PHF20: variants seen among roughly 807,000 people sequenced by gnomAD.
The protein encoded by PHF20 is glioma-expressed antigen 2.
A neutral mutation model predicts 113.5 loss-of-function variants in PHF20; 23 were observed. That is an observed-to-expected ratio of 0.20 (90% CI 0.15 to 0.29). The LOEUF is 0.29. PHF20 is among the 10% of genes least tolerant of loss of function. The pLI is 1.00. For synonymous variants in PHF20, 434 were observed against 457.3 expected (o/e 0.95, Z 0.65); for missense variants, 943 against 1,219.6 (o/e 0.77, Z 3.38).
At chr20:35,802,598 G>GA (rs1337887628) in intron 2 of PHF20, among the ~76,000 whole-genome samples, 1 of 152,108 alleles carries the variant, frequency 6.6e-6, no homozygotes, top group Non-Finnish European at 1.5e-5. Context: ...CAGGAGAAGA[G>GA]AGGCATAGAA....
chr20:35,813,240 G>T (rs1410537228), intron 2 of PHF20, among the ~76,000 whole-genome samples: 2 of 149,784 alleles, frequency 1.3e-5, no homozygotes, highest in South Asian at 2.3e-4. Context: ...AAAGTGCTGG[G>T]ATTACAGGCG....
At chr20:35,800,551 A>G (rs2041760875) in intron 1 of PHF20, among the ~76,000 whole-genome samples, 1 of 152,212 alleles carries the variant, frequency 6.6e-6, no homozygotes, top group Admixed American at 6.5e-5. Context: ...TGGGCAGATC[A>G]CTTGAGGTCA....
intron 9 of PHF20, among the ~76,000 whole-genome samples, chr20:35,873,175 A>G (rs1002012354): frequency 6.7e-6 from 1 of 149,252 alleles, no homozygotes; most frequent in Non-Finnish European, 1.5e-5. Flanking sequence ...ATCTCCACTC[A>G]CTTCAACCTC....
chr20:35,802,992 G>A (rs2041810666), intron 2 of PHF20, among the ~76,000 whole-genome samples: 1 of 148,530 alleles, frequency 6.7e-6, no homozygotes, highest in South Asian at 2.1e-4. Flanking sequence ...GGTGGCTCAC[G>A]CCTATAATCC....
At chr20:35,945,922 C>A (rs2147139709) in intron 17 of PHF20, among the ~76,000 whole-genome samples, 1 of 152,144 alleles carries the variant, frequency 6.6e-6, no homozygotes, top group Middle Eastern at 3.4e-3. Context: ...AATCCTAGCA[C>A]TTTCAAAGTG....
intron 6 of PHF20, among the ~76,000 whole-genome samples, chr20:35,868,457 A>AT (rs199735622): frequency 0.041 from 6,065 of 148,412 alleles, 137 homozygotes; most frequent in African/African-American, 0.073. Flanking sequence ...AAAAAAAAAA[A>AT]ATTTTGCTAG....
chr20:35,864,407 AACACACACACACAC>A (rs376477234), intron 6 of PHF20, among the ~76,000 whole-genome samples: 7,615 of 132,518 alleles, frequency 0.057, 277 homozygotes, highest in South Asian at 0.22. Flanking sequence ...CCCATCTCAA[AACACACACACACAC>A]ACACACACAC....
intron 4 of PHF20, among the ~76,000 whole-genome samples, chr20:35,849,803 C>T (rs1478308219): frequency 6.6e-6 from 1 of 152,162 alleles, no homozygotes; most frequent in Non-Finnish European, 1.5e-5. Context: ...CTTGTTGGTG[C>T]TGCCAGGAGG....
rs147803101 is a variant in PHF20, at chr20:35,773,087, T to G, written c.-33+1008T>G. ...CACGTGTTCCCCAAATCAAACTACC[T>G]TATTTCCTGAAGGAGACTCATTTTC... On this transcript the variant is annotated intron_variant, in intron 1 of 17. Coordinates refer to ENST00000374012, the MANE Select transcript of PHF20 (RefSeq NM_016436.5). 2.7e-4 allele frequency among the ~76,000 whole-genome samples: 41 copies of G among 152,352 alleles called. 1 individual carries two copies. The highest frequency in any genetic ancestry group is 9.9e-4 in the African/African-American group (41 of 41,578).
chr20:35,899,277 G>A, intron 9 of PHF20, 93 bp from the exon 10 acceptor site: 1 of 1,041,102 alleles, frequency 9.6e-7, no homozygotes, highest in Non-Finnish European at 1.4e-6. Context: ...TTGCACGCTA[G>A]TCTTTCACCC....
Position 35,887,977 on chromosome 20 carries a change from C to CTTT in PHF20, c.1283-11377_1283-11375dup, listed in dbSNP as rs1173881486. On this transcript the variant is annotated intron_variant, in intron 9 of 17. Transcript: ENST00000374012. Reference sequence around the variant, plus strand: ...TAAAGAAAACACTGCTTAGGGTTACCTTTTTTTTTTTTTTTTTTCTGAGAC... The same window carrying CTTT: ...TAAAGAAAACACTGCTTAGGGTTACCTTTTTTTTTTTTTTTTTTTTTCTGAGAC... 4.4e-5 allele frequency among the ~76,000 whole-genome samples: 6 copies of CTTT among 137,278 alleles called. No homozygotes were observed. The East Asian group carries it at 8.4e-4, about 19-fold the overall frequency. The allele number at this position is 137,278 out of a possible 152,430, so 90.1% of individuals were successfully genotyped here. A position where few individuals can be genotyped will look rare whatever the true frequency, so the allele number is the denominator to read the frequency against.
intron 2 of PHF20, among the ~76,000 whole-genome samples, chr20:35,822,132 G>C (rs117476321): frequency 0.016 from 2,414 of 152,276 alleles, 25 homozygotes; most frequent in Non-Finnish European, 0.021. Flanking sequence ...GGCTGAGTGC[G>C]GTGGCTCACG....
intron 1 of PHF20, among the ~76,000 whole-genome samples, chr20:35,784,058 T>TG (rs1234736757): frequency 2.1e-5 from 3 of 141,354 alleles, no homozygotes; most frequent in East Asian, 2.1e-4. Context: ...TGTTTGTGTG[T>TG]TTTTTTTTTT....
rs944088982 is a variant in PHF20 at position 35,858,357 on chromosome 20, T to C, written c.396T>C (p.His132=). Residue 132 remains histidine, a synonymous_variant, in exon 5 of 18, where the codon CAT becomes CAC. Coordinates refer to ENST00000374012, the MANE Select transcript of PHF20 (RefSeq NM_016436.5). ...TAGTTCAGACTGTCAAACATATTCATGTCAAAGCTTTTTCCAAAGATCAGG... is the reference window on the plus strand; with the variant it reads ...TAGTTCAGACTGTCAAACATATTCACGTCAAAGCTTTTTCCAAAGATCAGG... ...DGVVQTVKHI[H]VKAFSKDQNI... The C allele has an allele frequency of 2.5e-6, 4 of 1,593,838 alleles. No individual in the cohort carries two copies. The highest frequency in any genetic ancestry group is 3.4e-6 in the Non-Finnish European group (4 of 1,164,258).
intron 9 of PHF20, 189 bp downstream of exon 9, chr20:35,872,018 A>G: frequency 5.0e-6 from 2 of 396,954 alleles, no homozygotes; most frequent in South Asian, 9.9e-5. Context: ...TAGTATGACT[A>G]GGGCTTTATC....
intron 8 of PHF20, among the ~76,000 whole-genome samples, chr20:35,871,414 T>G (rs907579705): frequency 2.6e-5 from 4 of 152,228 alleles, no homozygotes; most frequent in Non-Finnish European, 5.9e-5. Context: ...TCTGCTGCCA[T>G]CTCATTCGTG....
intron 2 of PHF20, among the ~76,000 whole-genome samples, chr20:35,841,768 C>CA (rs1462531936): frequency 5.3e-5 from 8 of 150,792 alleles, no homozygotes; most frequent in Admixed American, 2.6e-4. Context: ...GACCCTGTCT[C>CA]AAAAAAACAA....
At chr20:35,869,572 T>C in intron 7 of PHF20, 21 bp downstream of exon 7, 2 of 1,297,228 alleles carry the variant, frequency 1.5e-6, no homozygotes, top group Non-Finnish European at 2.2e-6. Flanking sequence ...AGTTTGTTTA[T>C]GTGTGGCTAG....
chr20:35,842,891 C>A, intron 3 of PHF20, 147 bp downstream of exon 3: 1 of 662,402 alleles, frequency 1.5e-6, no homozygotes, highest in Non-Finnish European at 2.5e-6. Context: ...ACACCTGGGG[C>A]TCTTGAAGAA....
Sources: gnomAD v4.1 joint callset for allele counts (sites outside exome capture counted in the v4.1 genomes callset) on GRCh38, gnomAD v4.1.1 for gene constraint, MANE v1.5 for transcripts, NCBI Gene and HGNC (gene_info 2026-07-23, HGNC 2026-07-21) for gene names.